Variants in SOAT2 observed in about 807,000 individuals in gnomAD.
The protein encoded by SOAT2 is sterol O-acyltransferase 2.
Under a neutral mutation model 76.0 loss-of-function variants are expected in SOAT2, and 87 were observed. The ratio of observed to expected loss-of-function variants is 1.14; its 90% CI spans 0.96 to 1.37. SOAT2 has a LOEUF of 1.37. SOAT2 is among the 40% of genes most tolerant of loss of function. The probability of loss-of-function intolerance (pLI) is 0.00; values close to 1 mark genes in which losing one functional copy is unlikely to be tolerated. For missense variants in SOAT2, 686 were observed against 682.1 expected (o/e 1.01, Z -0.06); for synonymous variants, 285 against 275.4 (o/e 1.03, Z -0.34).
intron 5 of SOAT2, among the ~76,000 whole-genome samples, chr12:53,111,945 C>T (rs1162758838): frequency 3.3e-5 from 5 of 152,174 alleles, no homozygotes; most frequent in South Asian, 2.1e-4. Flanking sequence ...AATACGCAGA[C>T]GTATTAGGCA....
In SOAT2 at chr12:53,106,031, C is replaced by T. The variant is rs1394657737; in HGVS notation, c.443+17C>T. ...TGAGGGCAGGTAGGTCCCCTTCCCACCTGGGACAGGCACACCTATCTGATC... is the reference window on the plus strand; with the variant it reads ...TGAGGGCAGGTAGGTCCCCTTCCCATCTGGGACAGGCACACCTATCTGATC... On this transcript the variant is annotated intron_variant, in intron 5 of 14. Coordinates refer to ENST00000301466, the MANE Select transcript of SOAT2 (RefSeq NM_003578.4). The T allele has an allele frequency of 1.3e-6, 2 of 1,573,714 alleles. No individual in the cohort carries two copies. Among genetic ancestry groups the T allele is most frequent in the African/African-American group, 1.3e-5 (1 of 74,222 alleles).
Position 53,123,878 on chromosome 12 carries a change from G to A in SOAT2, c.1518+5G>A, listed in dbSNP as rs921899618. ...CGGCACTGCCCCTTACCCCAGGTAA[G>A]AGACCACAACCCTCATCCAGCTCCC... On this transcript the variant is annotated splice_donor_5th_base_variant and intron_variant, in intron 14 of 14. Transcript: ENST00000301466. 2.5e-6 allele frequency: 4 copies of A among 1,614,060 alleles called. No homozygotes were observed. Among genetic ancestry groups the A allele is most frequent in the Non-Finnish European group, 3.4e-6 (4 of 1,180,006 alleles).
intron 5 of SOAT2, among the ~76,000 whole-genome samples, chr12:53,106,698 G>A (rs1937941248): frequency 6.6e-6 from 1 of 152,172 alleles, no homozygotes; most frequent in Non-Finnish European, 1.5e-5. Flanking sequence ...TTATCACCAG[G>A]CCAACTAAAA....
chr12:53,118,698 C>G (rs1018615892), intron 8 of SOAT2, among the ~76,000 whole-genome samples, 192 bp from the exon 9 acceptor site: 2 of 152,082 alleles, frequency 1.3e-5, no homozygotes, highest in Non-Finnish European at 2.9e-5. Flanking sequence ...TTGTTGACAT[C>G]CATGCTTAAA....
In SOAT2 at chr12:53,104,763, G is replaced by A. The variant is rs1320139833; in HGVS notation, c.139-344G>A. Among the ~76,000 whole-genome samples the A allele has an allele frequency of 3.3e-5, 5 of 152,270 alleles. No homozygotes were observed. The South Asian group carries it at 1.0e-3, about 32-fold the overall frequency. ...GGCTGGAATTCAGACCCAGGGAGGG[G>A]AAGCCTTGCTCCTGCTGTCACTCCC... On this transcript the variant is annotated intron_variant, in intron 2 of 14. Transcript: ENST00000301466.
At chr12:53,113,375 T>C (rs1047917471) in intron 5 of SOAT2, among the ~76,000 whole-genome samples, 1 of 152,186 alleles carries the variant, frequency 6.6e-6, no homozygotes, top group African/African-American at 2.4e-5. Context: ...TCTTCCCCAG[T>C]AGTGAAAGGG....
chr12:53,115,695 T>C, intron 6 of SOAT2, 41 bp downstream of exon 6: 1 of 1,471,414 alleles, frequency 6.8e-7, no homozygotes, highest in Non-Finnish European at 8.9e-7. Flanking sequence ...AGGAACCAGC[T>C]GGTGGGGCCA....
intron 13 of SOAT2, among the ~76,000 whole-genome samples, 168 bp from the exon 14 acceptor site, chr12:53,123,560 G>A (rs757544686): frequency 9.2e-5 from 14 of 152,164 alleles, no homozygotes; most frequent in Non-Finnish European, 1.6e-4. Context: ...AAGAATCCTG[G>A]TTTTACATGG....
chr12:53,117,328 C>A (rs1008901797), intron 7 of SOAT2, among the ~76,000 whole-genome samples: 1 of 140,192 alleles, frequency 7.1e-6, no homozygotes, highest in African/African-American at 2.7e-5. Context: ...TGGTCTTGAA[C>A]TCCTGGGCTT....
Position 53,103,496 on chromosome 12 carries a change from A to G in SOAT2, c.-82A>G. ...GCTGTCACCTGAGCTGAGTGGGACA[A>G]GAGCTCTACAGGGCAGGCCACACTG... is the stretch of plus-strand genomic sequence containing the variant. On this transcript the variant is annotated 5_prime_UTR_variant, in exon 1 of 15. Transcript: ENST00000301466. The G allele has an allele frequency of 7.9e-7, 1 of 1,270,812 alleles. No individual in the cohort carries two copies. Among genetic ancestry groups the G allele is most frequent in the Non-Finnish European group, 1.1e-6 (1 of 904,716 alleles). 78.7% of individuals were successfully genotyped at this position (1,270,812 alleles called of 1,614,324 possible). A position where few individuals can be genotyped will look rare whatever the true frequency, so the allele number is the denominator to read the frequency against.
At chr12:53,107,783 C>T (rs975125839) in intron 5 of SOAT2, among the ~76,000 whole-genome samples, 4 of 151,826 alleles carry the variant, frequency 2.6e-5, no homozygotes, top group Non-Finnish European at 5.9e-5. Flanking sequence ...TTACTGTGTT[C>T]GGCTCATTTT....
At chr12:53,108,854 AT>A (rs761918829) in intron 5 of SOAT2, among the ~76,000 whole-genome samples, 16 of 152,346 alleles carry the variant, frequency 1.1e-4, no homozygotes, top group Non-Finnish European at 2.4e-4. Context: ...CAAGAAAACA[AT>A]TGTTTATGGA....
At chr12:53,107,622 CTTTT>C (rs1303838303) in intron 5 of SOAT2, among the ~76,000 whole-genome samples, 2 of 117,020 alleles carry the variant, frequency 1.7e-5, no homozygotes. Context: ...AACAGATGTA[CTTTT>C]TTTTTTTTTT....
chr12:53,115,011 G>T (rs1014198507), intron 5 of SOAT2, among the ~76,000 whole-genome samples: 2 of 152,132 alleles, frequency 1.3e-5, no homozygotes, highest in Non-Finnish European at 2.9e-5. Context: ...TATTAACCTA[G>T]GCTAACAAAA....
At chr12:53,107,077 G>A (rs573082362) in intron 5 of SOAT2, among the ~76,000 whole-genome samples, 1 of 152,278 alleles carries the variant, frequency 6.6e-6, no homozygotes, top group South Asian at 2.1e-4. Context: ...CACTCAGTCA[G>A]TACTGAAACA....
intron 6 of SOAT2, among the ~76,000 whole-genome samples, 166 bp from the exon 7 acceptor site, chr12:53,115,931 C>T (rs1257458229): frequency 1.3e-5 from 2 of 152,242 alleles, no homozygotes; most frequent in Non-Finnish European, 2.9e-5. Flanking sequence ...TTCATCCCAG[C>T]ATATGTTAGG....
At chr12:53,106,152 C>T (rs1033886827) in intron 5 of SOAT2, 138 bp downstream of exon 5, 1 of 617,108 alleles carries the variant, frequency 1.6e-6, no homozygotes, top group Non-Finnish European at 2.9e-6. Flanking sequence ...TTGCTCCCAA[C>T]AACCTTTCCA....
chr12:53,106,539 G>T (rs1937939312), intron 5 of SOAT2, among the ~76,000 whole-genome samples: 1 of 152,202 alleles, frequency 6.6e-6, no homozygotes, highest in Non-Finnish European at 1.5e-5. Flanking sequence ...ATACCCCTGG[G>T]GGTCTGTATT....
At chr12:53,109,493 C>CT (rs932567627) in intron 5 of SOAT2, among the ~76,000 whole-genome samples, 5 of 151,204 alleles carry the variant, frequency 3.3e-5, no homozygotes, top group African/African-American at 1.2e-4. Flanking sequence ...TATTTATTTT[C>CT]TTTTTTGAGA....
Sources: allele counts gnomAD v4.1 joint callset (sites outside exome capture counted in the v4.1 genomes callset), GRCh38; gene constraint gnomAD v4.1.1; transcripts MANE v1.5; gene names NCBI Gene and HGNC (gene_info 2026-07-23, HGNC 2026-07-21).